Variants in PTPRH observed in about 807,000 individuals in gnomAD.
The protein encoded by PTPRH is receptor-type tyrosine-protein phosphatase H.
Under a neutral mutation model 130.2 loss-of-function variants are expected in PTPRH, and 113 were observed. The ratio of observed to expected loss-of-function variants is 0.87; its 90% CI spans 0.75 to 1.01. The LOEUF (loss-of-function observed/expected upper bound fraction) is 1.01, where lower values mean the gene tolerates loss of function less well. PTPRH is among the 50% of genes least tolerant of loss of function. The pLI is 0.00. For missense variants in PTPRH, 1,430 were observed against 1,425.0 expected (o/e 1.00, Z -0.06); for synonymous variants, 556 against 577.9 (o/e 0.96, Z 0.54).
chr19:55,186,127 T>C, intron 16 of PTPRH, 98 bp downstream of exon 16: 4 of 1,570,288 alleles, frequency 2.5e-6, no homozygotes, highest in Non-Finnish European at 2.6e-6. Context: ...GGGGTTACCC[T>C]GGAGGAATCC....
Position 55,191,489 on chromosome 19 carries a change from C to A in PTPRH, c.2384+12G>T. 1.2e-6 allele frequency: 2 copies of A among 1,613,988 alleles called. No individual in the cohort carries two copies. The highest frequency in any genetic ancestry group is 1.7e-6 in the Non-Finnish European group (2 of 1,179,914). ...GATTCTTTCCAATGCACCCCCCAGA[C>A]CTTCTGCTCACCTAAAGACCAGATC... is the stretch of plus-strand genomic sequence containing the variant. On this transcript the variant is annotated intron_variant, in intron 12 of 19. Transcript: ENST00000376350.
In PTPRH at chr19:55,188,123, C is replaced by T. The variant is rs2147409716; in HGVS notation, c.2430G>A (p.Arg810=). The T allele has an allele frequency of 6.2e-7, 1 of 1,614,112 alleles. No individual in the cohort carries two copies. The highest frequency in any genetic ancestry group is 8.5e-7 in the Non-Finnish European group (1 of 1,180,018). ...CACAGTTGCTGTCCCTCTCATTCTT[C>T]CTGACGTGGTCAGCGAAGTCTTCAG... ...IPAEDFADHV[R]KNERDSNCGF... The change falls in exon 13 of 20, where the codon AGG becomes AGA. Residue 810 remains arginine, a synonymous_variant. Coordinates refer to ENST00000376350, the MANE Select transcript of PTPRH (RefSeq NM_002842.5).
chr19:55,202,738 AATG>A (rs900322502), intron 5 of PTPRH, among the ~76,000 whole-genome samples: 3 of 152,160 alleles, frequency 2.0e-5, no homozygotes, highest in Non-Finnish European at 4.4e-5. Context: ...TACATGTCAA[AATG>A]ATAATATTTT....
chr19:55,198,266 A>T (rs2086747972), intron 8 of PTPRH, among the ~76,000 whole-genome samples: 1 of 152,048 alleles, frequency 6.6e-6, no homozygotes, highest in East Asian at 1.9e-4. Flanking sequence ...GATTTTTCTC[A>T]TGAGTGGGAC....
At chr19:55,185,810 G>A in intron 17 of PTPRH, 52 bp downstream of exon 17, 1 of 1,613,262 alleles carries the variant, frequency 6.2e-7, no homozygotes, top group Non-Finnish European at 8.5e-7. Context: ...TGGATGCATG[G>A]CATATGTCAC....
chr19:55,201,999 A>G (rs1349212731), intron 6 of PTPRH, 57 bp downstream of exon 6: 2 of 1,595,670 alleles, frequency 1.3e-6, no homozygotes, highest in Non-Finnish European at 1.7e-6. Flanking sequence ...TCTACATTCT[A>G]CTGCTTACTG....
In PTPRH at chr19:55,206,901, G is replaced by T; in HGVS notation, c.140C>A (p.Ser47Tyr). ...GCCATCGGGGACCTCCCAGCTCAGG[G>T]AGATGGAGCTGGTGGTCTGAGTCTC... ...TVETQTTSSI[S>Y]LSWEVPDGLD... The change falls in exon 3 of 20, where the codon TCC (serine) becomes TAC (tyrosine). Residue 47 changes from serine (S) to tyrosine (Y), a missense_variant. Transcript: ENST00000376350. The T allele has an allele frequency of 6.2e-7, 1 of 1,612,674 alleles. No individual in the cohort carries two copies. The highest frequency in any genetic ancestry group is 1.3e-5 in the African/African-American group (1 of 75,030).
chr19:55,199,181 C>T (rs988474860), intron 7 of PTPRH, among the ~76,000 whole-genome samples: 2 of 152,186 alleles, frequency 1.3e-5, no homozygotes, highest in Admixed American at 1.3e-4. Context: ...GTAGCACATG[C>T]CTGTAGTCCC....
At chr19:55,200,717 G>A (rs1025065931) in intron 6 of PTPRH, among the ~76,000 whole-genome samples, 1 of 151,556 alleles carries the variant, frequency 6.6e-6, no homozygotes, top group Non-Finnish European at 1.5e-5. Context: ...CTGAGGCAAG[G>A]GGATCACCTG....
In PTPRH at chr19:55,187,533, C is replaced by A. The variant is rs138117592; in HGVS notation, c.2546G>T (p.Arg849Leu). 1 of 1,612,746 alleles carries A rather than the reference C, an allele frequency of 6.2e-7. No homozygotes were observed. The highest frequency in any genetic ancestry group is 2.2e-5 in the East Asian group (1 of 44,780). ...CTCACAGGGCAGCACATTTCTGTAG[C>A]GGTTCTTGGCGTTGTTCTCTGAAGC... ...ASASENNAKN[R>L]YRNVLPYDWS... The change falls in exon 14 of 20, where the codon CGC (arginine) becomes CTC (leucine). Residue 849 changes from arginine (R) to leucine (L), a missense_variant. By Grantham distance (102) the Arg-to-Leu change is moderately radical. Coordinates refer to ENST00000376350, the MANE Select transcript of PTPRH (RefSeq NM_002842.5).
chr19:55,195,228 G>C (rs2086649433), intron 10 of PTPRH, among the ~76,000 whole-genome samples: 1 of 152,210 alleles, frequency 6.6e-6, no homozygotes, highest in Non-Finnish European at 1.5e-5. Flanking sequence ...AGGAGGCTGA[G>C]GCAGGAGAAT....
intron 18 of PTPRH, among the ~76,000 whole-genome samples, chr19:55,184,571 G>A (rs1459438604): frequency 6.6e-5 from 10 of 152,018 alleles, no homozygotes; most frequent in Admixed American, 3.3e-4. Flanking sequence ...GACGGATCAC[G>A]AGGTCAGGAG....
rs1264606291 is a variant in PTPRH at position 55,186,261 on chromosome 19, G to A, written c.2742C>T (p.Thr914=). 1.2e-6 allele frequency: 2 copies of A among 1,613,638 alleles called. No homozygotes were observed. Among genetic ancestry groups the A allele is most frequent in the South Asian group, 2.2e-5 (2 of 91,058 alleles). ...CCATGCAGTTGGTCAGCATGACCAG[G>A]GTGTGGCTCTGCTGTTCCCACACCA... ...WRLVWEQQSH[T]LVMLTNCMEA... Residue 914 remains threonine (T), a synonymous_variant, in exon 16 of 20, where the codon ACC becomes ACT. Coordinates refer to ENST00000376350, the MANE Select transcript of PTPRH (RefSeq NM_002842.5).
Position 55,187,621 on chromosome 19 carries a change from G to C in PTPRH, c.2476-18C>G. 6.3e-7 allele frequency: 1 copy of C among 1,578,494 alleles called. No homozygotes were observed. Among genetic ancestry groups the C allele is most frequent in the Non-Finnish European group, 8.7e-7 (1 of 1,148,292 alleles). ...GAGAGTTGCTGGGGATGCAGGGAGA[G>C]GGGGTACCTGGTGTTGGATTTTCTC... On this transcript the variant is annotated intron_variant, in intron 13 of 19. Coordinates refer to ENST00000376350, the MANE Select transcript of PTPRH (RefSeq NM_002842.5).
chr19:55,200,680 C>T (rs1000518600), intron 6 of PTPRH, among the ~76,000 whole-genome samples, 178 bp from the exon 7 acceptor site: 5 of 151,956 alleles, frequency 3.3e-5, no homozygotes, highest in East Asian at 1.9e-4. Flanking sequence ...TGGTGGCTCA[C>T]GCCTGTAATC....
At chr19:55,192,787 G>A (rs1214952991) in intron 10 of PTPRH, among the ~76,000 whole-genome samples, 2 of 151,674 alleles carry the variant, frequency 1.3e-5, no homozygotes, top group South Asian at 2.1e-4. Flanking sequence ...TCCTGACCTC[G>A]TGATCCACCT....
In PTPRH at chr19:55,182,152, C is replaced by T. The variant is rs1420082641; in HGVS notation, c.3063-1G>A. 6.2e-7 allele frequency: 1 copy of T among 1,613,400 alleles called. No individual in the cohort carries two copies. The highest frequency in any genetic ancestry group is 2.2e-5 in the East Asian group (1 of 44,878). ...GGTTCCTGTGCGACCCACGCCAGCA[C>T]TAGGCAGAACAAGGGAAGGGTCAGA... On this transcript the variant is annotated splice_acceptor_variant, in intron 18 of 19. Coordinates refer to ENST00000376350, the MANE Select transcript of PTPRH (RefSeq NM_002842.5). LOFTEE classifies it high-confidence loss of function.
chr19:55,198,919 G>A lies in PTPRH; in HGVS notation c.1421-7C>T, dbSNP rs1375471033. ...CTTGTCACTGCGTTGGGGACTGGGA[G>A]AGGGAGCAGAGTCAGGATTTCCACA... is the stretch of plus-strand genomic sequence containing the variant. On this transcript the variant is annotated splice_region_variant and splice_polypyrimidine_tract_variant and intron_variant, in intron 7 of 19. Coordinates refer to ENST00000376350, the MANE Select transcript of PTPRH (RefSeq NM_002842.5). 6.7e-7 allele frequency: 1 copy of A among 1,502,992 alleles called. No individual in the cohort carries two copies. Among genetic ancestry groups the A allele is most frequent in the East Asian group, 2.3e-5 (1 of 42,958 alleles). 93.1% of individuals were successfully genotyped at this position (1,502,992 alleles called of 1,614,324 possible). A position where few individuals can be genotyped will look rare whatever the true frequency, so the allele number is the denominator to read the frequency against.
chr19:55,191,628 A>G (rs780806594), intron 11 of PTPRH, 35 bp downstream of exon 11: 2 of 1,612,114 alleles, frequency 1.2e-6, no homozygotes, highest in South Asian at 2.2e-5. Flanking sequence ...TCCAGCCCCC[A>G]CCCTCCAGGC....
Sources: allele counts gnomAD v4.1 joint callset (sites outside exome capture counted in the v4.1 genomes callset), GRCh38; gene constraint gnomAD v4.1.1; transcripts MANE v1.5; gene names NCBI Gene and HGNC (gene_info 2026-07-23, HGNC 2026-07-21).